Variants in KLHL1 observed in about 807,000 individuals in gnomAD.
KLHL1 encodes the protein kelch like family member 1, also known as kelch-like protein 1.
Under a neutral mutation model 77.7 loss-of-function variants are expected in KLHL1, and 47 were observed. The observed-to-expected ratio is 0.60, with a 90% confidence interval of 0.48 to 0.77. The LOEUF is 0.77. Among genes scored for constraint, KLHL1 ranks in the 30% least tolerant of loss-of-function variants. The pLI, the probability that KLHL1 is intolerant of heterozygous loss-of-function variation, is 0.00. For synonymous variants in KLHL1, 360 were observed against 325.2 expected (o/e 1.11, Z -1.15); for missense variants, 925 against 910.8 (o/e 1.02, Z -0.20).
intron 4 of KLHL1, among the ~76,000 whole-genome samples, chr13:69,918,567 A>G (rs1882522595): frequency 1.3e-5 from 2 of 151,768 alleles, no homozygotes; most frequent in African/African-American, 4.8e-5. Flanking sequence ...GATATCTTAC[A>G]CACTTAGTTA....
chr13:69,732,052 G>C (rs1030864236), intron 8 of KLHL1, among the ~76,000 whole-genome samples: 1 of 152,104 alleles, frequency 6.6e-6, no homozygotes, highest in African/African-American at 2.4e-5. Flanking sequence ...TGGTTATAAA[G>C]GTGATTGGAA....
At chr13:70,039,763 C>G (rs1314635308) in intron 1 of KLHL1, among the ~76,000 whole-genome samples, 1 of 151,388 alleles carries the variant, frequency 6.6e-6, no homozygotes, top group Non-Finnish European at 1.5e-5. Flanking sequence ...CCTCAGCCTC[C>G]TGAGTAGCTG....
chr13:69,749,717 A>T (rs1874389927), intron 7 of KLHL1, among the ~76,000 whole-genome samples: 1 of 152,004 alleles, frequency 6.6e-6, no homozygotes, highest in African/African-American at 2.4e-5. Flanking sequence ...TATACAGATC[A>T]TTCCCCATAA....
At chr13:69,780,721 T>TATATATATATAC (rs1566243882) in intron 7 of KLHL1, among the ~76,000 whole-genome samples, 1 of 62,852 alleles carries the variant, frequency 1.6e-5, no homozygotes, top group South Asian at 5.4e-4. Flanking sequence ...TATATGTATA[T>TATATATATATAC]ATATATATAT....
chr13:69,849,181 A>G (rs7988536), intron 5 of KLHL1, among the ~76,000 whole-genome samples: 1 of 151,358 alleles, frequency 6.6e-6, no homozygotes, highest in African/African-American at 2.4e-5. Flanking sequence ...CATCATTTTC[A>G]CTCACCACTA....
intron 10 of KLHL1, among the ~76,000 whole-genome samples, chr13:69,702,299 C>T (rs1875431692): frequency 6.6e-6 from 1 of 151,610 alleles, no homozygotes; most frequent in African/African-American, 2.4e-5. Flanking sequence ...AATTTTCCAT[C>T]TTATGACAAT....
In KLHL1 at chr13:69,714,626, C is replaced by T. The variant is rs1876031247; in HGVS notation, c.2015+4743G>A. On this transcript the variant is annotated intron_variant, in intron 9 of 10. Transcript: ENST00000377844. ...ATATATTTTTTGAGACAGGGTCTCA[C>T]TCTGTTGCCCAGGCTGGAGTGCAGT... Among the ~76,000 whole-genome samples, 3 of 151,786 alleles carry T rather than the reference C, an allele frequency of 2.0e-5. No individual in the cohort carries two copies. The South Asian group carries it at 6.2e-4, about 32-fold the overall frequency.
At chr13:69,839,655 C>G (rs965175845) in intron 5 of KLHL1, among the ~76,000 whole-genome samples, 3 of 151,892 alleles carry the variant, frequency 2.0e-5, no homozygotes, top group Non-Finnish European at 2.9e-5. Flanking sequence ...AAAATTTCTT[C>G]ATAACATCTC....
intron 8 of KLHL1, among the ~76,000 whole-genome samples, chr13:69,722,402 A>G (rs1166025750): frequency 1.3e-5 from 2 of 152,000 alleles, no homozygotes; most frequent in African/African-American, 4.8e-5. Context: ...CCAAGACTAA[A>G]TCATGAAGAA....
At chr13:70,001,996 A>G (rs1885304453) in intron 1 of KLHL1, among the ~76,000 whole-genome samples, 1 of 151,604 alleles carries the variant, frequency 6.6e-6, no homozygotes, top group South Asian at 2.1e-4. Flanking sequence ...ATAAAGTAAG[A>G]GCTAATCTAC....
chr13:70,068,375 A>AC (rs1196077623), intron 1 of KLHL1, among the ~76,000 whole-genome samples: 3 of 149,316 alleles, frequency 2.0e-5, no homozygotes, highest in Admixed American at 6.7e-5. Context: ...AAAAACAAAA[A>AC]AAAAGGATTT....
At chr13:69,738,431 T>A (rs1310780385) in intron 8 of KLHL1, among the ~76,000 whole-genome samples, 3 of 152,004 alleles carry the variant, frequency 2.0e-5, no homozygotes, top group African/African-American at 7.2e-5. Context: ...CTTCAGAAGA[T>A]GGGTAACAAC....
intron 1 of KLHL1, among the ~76,000 whole-genome samples, chr13:70,039,605 T>A (rs571231501): frequency 1.3e-5 from 2 of 152,054 alleles, no homozygotes; most frequent in South Asian, 2.1e-4. Context: ...TTCTCTGTTT[T>A]GTTAATACTG....
At chr13:69,893,043 C>A (rs999718299) in intron 4 of KLHL1, among the ~76,000 whole-genome samples, 1 of 151,998 alleles carries the variant, frequency 6.6e-6, no homozygotes, top group African/African-American at 2.4e-5. Context: ...CTTATATTAA[C>A]CTATTTTTGA....
intron 1 of KLHL1, among the ~76,000 whole-genome samples, chr13:70,103,366 A>G (rs187821175): frequency 6.6e-6 from 1 of 152,172 alleles, no homozygotes; most frequent in Non-Finnish European, 1.5e-5. Context: ...ACAGATTGTC[A>G]TCAGTTGGCG....
At chr13:70,069,805 C>A (rs1236358875) in intron 1 of KLHL1, among the ~76,000 whole-genome samples, 2 of 151,256 alleles carry the variant, frequency 1.3e-5, no homozygotes, top group African/African-American at 2.5e-5. Context: ...ATATAAAATC[C>A]AAAGCTGTGG....
chr13:69,934,326 G>C (rs1170811273), intron 4 of KLHL1, among the ~76,000 whole-genome samples: 1 of 151,964 alleles, frequency 6.6e-6, no homozygotes, highest in African/African-American at 2.4e-5. Flanking sequence ...GTGGATGTGA[G>C]TATATATCAC....
At chr13:69,788,322 T>C (rs1215969491) in intron 7 of KLHL1, among the ~76,000 whole-genome samples, 1 of 152,206 alleles carries the variant, frequency 6.6e-6, no homozygotes, top group Non-Finnish European at 1.5e-5. Flanking sequence ...CATGGAATAC[T>C]ATGCAGCCAT....
At chr13:69,757,690 G>A (rs9572261) in intron 7 of KLHL1, among the ~76,000 whole-genome samples, 34,254 of 151,920 alleles carry the variant, frequency 0.23, 4,002 homozygotes, top group South Asian at 0.31. Flanking sequence ...AGTGGCTTAC[G>A]CCTGTAATCC....
Sources: allele counts gnomAD v4.1 joint callset (sites outside exome capture counted in the v4.1 genomes callset), GRCh38; gene constraint gnomAD v4.1.1; transcripts MANE v1.5; gene names NCBI Gene and HGNC (gene_info 2026-07-23, HGNC 2026-07-21).